ARHGEF33: variants seen among roughly 807,000 people sequenced by gnomAD.
ARHGEF33 encodes the protein Rho guanine nucleotide exchange factor 33.
In ARHGEF33, 72 loss-of-function variants were observed where a neutral mutation model predicts 101.9. The observed-to-expected ratio is 0.71, with a 90% CI of 0.58 to 0.86. The LOEUF is 0.86. ARHGEF33 is among the 40% of genes least tolerant of loss of function. ARHGEF33 has a pLI of 0.00. For missense variants in ARHGEF33, 1,169 were observed against 1,111.3 expected (o/e 1.05, Z -0.74); for synonymous variants, 499 against 442.5 (o/e 1.13, Z -1.60).
At chr2:38,897,639 C>A (rs1235777019) in intron 2 of ARHGEF33, among the ~76,000 whole-genome samples, 2 of 152,200 alleles carry the variant, frequency 1.3e-5, no homozygotes, top group East Asian at 3.9e-4. Context: ...TTTGTGGAAA[C>A]CTTGGGAGTA....
chr2:38,963,023 CAAAA>C (rs34417172), intron 16 of ARHGEF33, among the ~76,000 whole-genome samples: 3 of 102,030 alleles, frequency 2.9e-5, no homozygotes, highest in Non-Finnish European at 6.0e-5. Flanking sequence ...GACTCTGTCT[CAAAA>C]AAAAAAAAAA....
chr2:38,960,164 G>A lies in ARHGEF33; in HGVS notation c.1859G>A (p.Gly620Asp). 6.5e-7 allele frequency: 1 copy of A among 1,542,676 alleles called. No individual in the cohort carries two copies. The highest frequency in any genetic ancestry group is 8.7e-7 in the Non-Finnish European group (1 of 1,144,874). The stretch of plus-strand genomic sequence containing the variant: ...GCCTACGAAGAGTTCGAGTACGGCG[G>A]CGAGATCTTCGCGCTGCCCGCGCCC... ...PAAYEEFEYG[G>D]EIFALPAPYD... Residue 620 changes from glycine (G) to aspartate (D), a missense_variant, in exon 16 of 18, where the codon GGC becomes GAC. Coordinates refer to ENST00000409978, the MANE Select transcript of ARHGEF33 (RefSeq NM_001145451.5).
chr2:38,942,468 C>CTTTTTT (rs58695451), intron 9 of ARHGEF33, among the ~76,000 whole-genome samples: 1 of 132,784 alleles, frequency 7.5e-6, no homozygotes, highest in Non-Finnish European at 1.6e-5. Context: ...CCCCTCTTAT[C>CTTTTTT]TTTTTTTTTT....
intron 2 of ARHGEF33, among the ~76,000 whole-genome samples, chr2:38,909,347 G>A (rs1666460258): frequency 6.6e-6 from 1 of 151,634 alleles, no homozygotes; most frequent in South Asian, 2.1e-4. Context: ...TTTTAGACCA[G>A]GTCTCACTCT....
chr2:38,896,578 G>A (rs142739209), intron 2 of ARHGEF33, among the ~76,000 whole-genome samples: 2 of 152,164 alleles, frequency 1.3e-5, no homozygotes, highest in African/African-American at 4.8e-5. Context: ...TGTGGGCTAG[G>A]TAACTATTAT....
rs980557014 is a variant in ARHGEF33, at chr2:38,929,731, C to T, written c.263C>T (p.Ser88Leu). The T allele has an allele frequency of 6.4e-6, 10 of 1,551,808 alleles. No homozygotes were observed. The highest frequency in any genetic ancestry group is 2.4e-5 in the East Asian group (1 of 40,916). The change falls in exon 6 of 18, where the codon TCG becomes TTG. Residue 88 changes from serine (S) to leucine (L), a missense_variant. Physicochemically the swap from Ser to Leu is moderately radical, Grantham distance 145. Transcript: ENST00000409978. The stretch of plus-strand genomic sequence containing the variant: ...TAGGAAGAGCTGAGCAATGCCATGT[C>T]GATGATCCAAGCCATCACTTCCAAA... ...YFKEELSNAM[S>L]MIQAITSKQE... is the part of the protein sequence containing the mutation.
intron 4 of ARHGEF33, among the ~76,000 whole-genome samples, chr2:38,926,334 G>C (rs1225565012): frequency 6.6e-6 from 1 of 152,210 alleles, no homozygotes; most frequent in Non-Finnish European, 1.5e-5. Flanking sequence ...AGAGAGAGCA[G>C]AAAAAAGATG....
At chr2:38,906,826 G>T (rs1028444778) in intron 2 of ARHGEF33, among the ~76,000 whole-genome samples, 4 of 144,498 alleles carry the variant, frequency 2.8e-5, no homozygotes, top group Non-Finnish European at 6.0e-5. Context: ...AAAAAAAAAA[G>T]GTCTGGGTCT....
rs142772759 is a variant in ARHGEF33, at chr2:38,893,890, G to A, written c.-158-1887G>A. On this transcript the variant is annotated intron_variant, in intron 1 of 17. Transcript: ENST00000409978. ...TGAGTGAGTAGTATCTAAAATGTAGGCAATTCAAGGGAGATAGGGCACAAA... is the reference window on the plus strand; with the variant it reads ...TGAGTGAGTAGTATCTAAAATGTAGACAATTCAAGGGAGATAGGGCACAAA... Among the ~76,000 whole-genome samples, 1,084 of 152,248 alleles carry A rather than the reference G, an allele frequency of 7.1e-3. 18 individuals carry two copies. Among genetic ancestry groups the A allele is most frequent in the African/African-American group, 0.024 (1,015 of 41,538 alleles).
In ARHGEF33 at chr2:38,958,037, A is replaced by C. The variant is rs763971790; in HGVS notation, c.1374A>C (p.Ser458=). The C allele has an allele frequency of 3.9e-6, 6 of 1,552,180 alleles. No homozygotes were observed. In the South Asian group the frequency reaches 5.9e-5, roughly 15 times the overall value. ...ACTGTTATTTCCATTCTGTTAGGTC[A>C]TCCATGGCGAAGCTGTACAAAGGGC... ...LIQKRKKLKK[S]SMAKLYKGLA... Residue 458 remains serine, a synonymous_variant, in exon 15 of 18, where the codon TCA becomes TCC. Coordinates refer to ENST00000409978, the MANE Select transcript of ARHGEF33 (RefSeq NM_001145451.5).
intron 1 of ARHGEF33, among the ~76,000 whole-genome samples, chr2:38,894,391 G>C: frequency 6.8e-6 from 1 of 147,720 alleles, no homozygotes; most frequent in Admixed American, 6.9e-5. Context: ...CAGCATATCA[G>C]TAAAGATTGA....
At chr2:38,962,340 G>A (rs1054030475) in intron 16 of ARHGEF33, among the ~76,000 whole-genome samples, 1 of 152,138 alleles carries the variant, frequency 6.6e-6, no homozygotes, top group African/African-American at 2.4e-5. Flanking sequence ...CTTTTATTTC[G>A]TATGTAATAA....
intron 17 of ARHGEF33, among the ~76,000 whole-genome samples, chr2:38,972,130 T>C (rs4670901): frequency 0.94 from 143,234 of 152,230 alleles, 67,515 homozygotes; most frequent in African/African-American, 0.97. Flanking sequence ...ATCCTGCCCC[T>C]GACCTCCTGC....
Position 38,975,326 on chromosome 2 carries a change from T to C in ARHGEF33, c.*1483T>C, listed in dbSNP as rs1270455483. ...GTTTCCCAGAAGTTTATGAATTCAT[T>C]TGAAATTAGATTTTTCTCTTATTAT... is the stretch of plus-strand genomic sequence containing the variant. On this transcript the variant is annotated 3_prime_UTR_variant, in exon 18 of 18. Coordinates refer to ENST00000409978, the MANE Select transcript of ARHGEF33 (RefSeq NM_001145451.5). The C allele has an allele frequency of 1.3e-5, 2 of 152,224 alleles. No homozygotes were observed. The highest frequency in any genetic ancestry group is 6.5e-5 in the Admixed American group (1 of 15,286). The allele number at this position is 152,224 out of a possible 1,614,324, so 9.4% of individuals were successfully genotyped here.
At chr2:38,929,100 C>T in intron 5 of ARHGEF33, 29 bp downstream of exon 5, 2 of 1,528,444 alleles carry the variant, frequency 1.3e-6, no homozygotes, top group South Asian at 2.5e-5. Flanking sequence ...TCCCTGCTGA[C>T]AAGAGAATTT....
intron 15 of ARHGEF33, chr2:38,959,539 T>C: frequency 3.3e-6 from 1 of 299,282 alleles, no homozygotes; most frequent in East Asian, 5.5e-5. Context: ...AGGTGTGCCT[T>C]GGAGCACCGC....
At chr2:38,959,581 G>A (rs552261265) in intron 15 of ARHGEF33, 183 of 401,536 alleles carry the variant, frequency 4.6e-4, no homozygotes, top group Admixed American at 6.1e-4. Flanking sequence ...CTTCCACGCG[G>A]GGTGATGACA....
intron 16 of ARHGEF33, among the ~76,000 whole-genome samples, chr2:38,962,421 G>A (rs574088735): frequency 6.6e-6 from 1 of 152,234 alleles, no homozygotes; most frequent in South Asian, 2.1e-4. Flanking sequence ...CCATTAATCA[G>A]AAATATATCT....
rs192834629 is a variant in ARHGEF33, at chr2:38,896,971, A to C, written c.-86+1122A>C. On this transcript the variant is annotated intron_variant, in intron 2 of 17. Coordinates refer to ENST00000409978, the MANE Select transcript of ARHGEF33 (RefSeq NM_001145451.5). Reference sequence around the variant, plus strand: ...CACTCTGTCACCCAGGCTGGAGTGCAGTGGCACGATCTTGGCTCACTGCAA... The same window carrying C: ...CACTCTGTCACCCAGGCTGGAGTGCCGTGGCACGATCTTGGCTCACTGCAA... Among the ~76,000 whole-genome samples the C allele has an allele frequency of 6.3e-3, 960 of 152,144 alleles. 3 individuals are homozygous for C. The highest frequency in any genetic ancestry group is 0.014 in the Middle Eastern group (4 of 294).
Sources: gnomAD v4.1 joint callset for allele counts (sites outside exome capture counted in the v4.1 genomes callset) on GRCh38, gnomAD v4.1.1 for gene constraint, MANE v1.5 for transcripts, NCBI Gene and HGNC (gene_info 2026-07-23, HGNC 2026-07-21) for gene names.